The following PCTP variants were observed in gnomAD, a reference collection of about 807,000 sequenced individuals.
PCTP encodes the protein START domain-containing protein 2.
In PCTP, 27 loss-of-function variants were observed where a neutral mutation model predicts 31.0. That is an observed-to-expected ratio of 0.87 (90% CI 0.64 to 1.20). PCTP has a LOEUF of 1.20. Ranked by LOEUF, PCTP falls within the 50% of genes most tolerant of loss-of-function variation. The pLI, the probability that PCTP is intolerant of heterozygous loss-of-function variation, is 0.00. For synonymous variants in PCTP, 108 were observed against 101.2 expected (o/e 1.07, Z -0.40); for missense variants, 287 against 268.2 (o/e 1.07, Z -0.49).
Position 55,829,212 on chromosome 17 carries a change from G to GAAA in PCTP, n.505+6297_505+6299dup, listed in dbSNP as rs72543089. ...AAAGGAGCTTCAAAGGCCAATATGT[G>GAAA]AAAAAAAAAAAAAATAAAGACATAC... is the stretch of plus-strand genomic sequence containing the variant. On this transcript the variant is annotated intron_variant and non_coding_transcript_variant, in intron 5 of 5. Coordinates refer to the PCTP transcript ENST00000576221. 6.0e-3 allele frequency among the ~76,000 whole-genome samples: 836 copies of GAAA among 139,374 alleles called. 8 individuals carry two copies. Among genetic ancestry groups the GAAA allele is most frequent in the African/African-American group, 0.021 (782 of 37,964 alleles). 91.4% of individuals were successfully genotyped at this position (139,374 alleles called of 152,430 possible).
intron 5 of PCTP, among the ~76,000 whole-genome samples, chr17:55,833,158 T>C (rs1013218771): frequency 1.3e-5 from 2 of 152,158 alleles, no homozygotes; most frequent in African/African-American, 2.4e-5. Flanking sequence ...ACATCATAGA[T>C]GTGAGGATAT....
chr17:55,846,657 G>T (rs1380268714), downstream of PCTP, among the ~76,000 whole-genome samples: 1 of 152,084 alleles, frequency 6.6e-6, no homozygotes, highest in Non-Finnish European at 1.5e-5. Flanking sequence ...CCCTCTTTTG[G>T]CATCCAAGGA....
At chr17:55,826,106 C>G (rs1905386847), downstream of PCTP, among the ~76,000 whole-genome samples, 1 of 152,138 alleles carries the variant, frequency 6.6e-6, no homozygotes, top group Admixed American at 6.5e-5. Flanking sequence ...GAATTTGAAC[C>G]CAGTGTACCT....
intron 5 of PCTP, among the ~76,000 whole-genome samples, chr17:55,833,803 C>G (rs1284576534): frequency 3.3e-5 from 5 of 152,194 alleles, no homozygotes; most frequent in Non-Finnish European, 7.4e-5. Flanking sequence ...GACCTTGCCT[C>G]CTGCCTTTTT....
chr17:55,835,799 G>A (rs1905758528), intron 5 of PCTP, among the ~76,000 whole-genome samples: 2 of 152,292 alleles, frequency 1.3e-5, no homozygotes, highest in South Asian at 2.1e-4. Flanking sequence ...CTAGTAGGAC[G>A]TCTTTCTCTT....
intron 3 of PCTP, among the ~76,000 whole-genome samples, chr17:55,791,363 C>T (rs1197306313): frequency 6.8e-6 from 1 of 147,902 alleles, no homozygotes; most frequent in Non-Finnish European, 1.5e-5. Flanking sequence ...TCAGAGTGAA[C>T]AGGCAACCTA....
rs1438545667 is a variant in PCTP, at chr17:55,751,068, C to G, written c.-36C>G. On this transcript the variant is annotated 5_prime_UTR_variant, in exon 1 of 6. Transcript: ENST00000268896. ...GGCCCACACTAAGGGTGTCCGCGGC[C>G]TGCCCTCCAGGCGGAGGAGCCCGGA... is the stretch of plus-strand genomic sequence containing the variant. 6.7e-7 allele frequency: 1 copy of G among 1,493,374 alleles called. No individual in the cohort carries two copies. Among genetic ancestry groups the G allele is most frequent in the East Asian group, 2.5e-5 (1 of 39,980 alleles). The allele number at this position is 1,493,374 out of a possible 1,614,324, so 92.5% of individuals were successfully genotyped here. A position where few individuals can be genotyped will look rare whatever the true frequency, so the allele number is the denominator to read the frequency against.
At chr17:55,845,569 T>G (rs1567737930), downstream of PCTP, among the ~76,000 whole-genome samples, 1 of 152,216 alleles carries the variant, frequency 6.6e-6, no homozygotes, top group Non-Finnish European at 1.5e-5. Flanking sequence ...ATGTTTACCC[T>G]GGAAATTAAA....
At position 55,776,063 on chromosome 17, in the gene PCTP, T is replaced by C. The variant is rs1911312600; in HGVS notation, c.608T>C (p.Met203Thr). 6.2e-7 allele frequency: 1 copy of C among 1,613,990 alleles called. No homozygotes were observed. The highest frequency in any genetic ancestry group is 8.5e-7 in the Non-Finnish European group (1 of 1,179,934). Residue 203 changes from methionine (M) to threonine (T), a missense_variant, in exon 6 of 6, where the codon ATG (methionine) becomes ACG (threonine). Transcript: ENST00000268896. ...KNGVPNFLKD[M>T]ARACQNYLKK... ...GGAGTTCCTAACTTCTTGAAAGACA[T>C]GGCAAGAGCCTGTCAGAACTACCTC...
chr17:55,772,572 C>G (rs35143073), intron 3 of PCTP, among the ~76,000 whole-genome samples: 16,259 of 140,022 alleles, frequency 0.12, 1,033 homozygotes, highest in African/African-American at 0.17. Flanking sequence ...GGGTGAGACT[C>G]TGTCTCAAAA....
chr17:55,760,380 A>C (rs1910272398), intron 1 of PCTP, among the ~76,000 whole-genome samples: 1 of 152,228 alleles, frequency 6.6e-6, no homozygotes, highest in South Asian at 2.1e-4. Context: ...AATATTTACT[A>C]AGTACTTATT....
chr17:55,831,206 C>G (rs1485892833), intron 5 of PCTP, among the ~76,000 whole-genome samples: 3 of 152,186 alleles, frequency 2.0e-5, no homozygotes, highest in African/African-American at 7.2e-5. Flanking sequence ...GCTGACAGTT[C>G]TTGTAATACT....
At chr17:55,794,370 G>A (rs932809638) in intron 3 of PCTP, among the ~76,000 whole-genome samples, 1 of 151,598 alleles carries the variant, frequency 6.6e-6, no homozygotes, top group Non-Finnish European at 1.5e-5. Context: ...TTTACCTCCT[G>A]ATTTTTAGCT....
intron 5 of PCTP, 74 bp from the exon 6 acceptor site, chr17:55,775,961 C>G: frequency 1.3e-6 from 2 of 1,582,314 alleles, no homozygotes; most frequent in Middle Eastern, 1.7e-4. Context: ...CATTGTTTAC[C>G]TTCTGCCACA....
intron 3 of PCTP, among the ~76,000 whole-genome samples, chr17:55,818,181 T>C (rs1430225505): frequency 2.6e-5 from 4 of 152,120 alleles, no homozygotes; most frequent in East Asian, 1.9e-4. Flanking sequence ...TTGGCTGAGA[T>C]AGAGGGAAAA....
At chr17:55,828,761 G>T (rs1775957824) in intron 5 of PCTP, among the ~76,000 whole-genome samples, 1 of 152,214 alleles carries the variant, frequency 6.6e-6, no homozygotes, top group African/African-American at 2.4e-5. Flanking sequence ...CAGAAGATGG[G>T]GGAGGGGGCA....
At chr17:55,845,700 G>A (rs1013726086), downstream of PCTP, among the ~76,000 whole-genome samples, 4 of 152,242 alleles carry the variant, frequency 2.6e-5, no homozygotes, top group African/African-American at 9.6e-5. Context: ...GGCGGGCCCT[G>A]CGGCCTCCTT....
At chr17:55,780,818 G>A (rs978021308), downstream of PCTP, among the ~76,000 whole-genome samples, 1 of 152,084 alleles carries the variant, frequency 6.6e-6, no homozygotes, top group Non-Finnish European at 1.5e-5. Flanking sequence ...TCCAGCTCAG[G>A]ATCTTAAAAG....
chr17:55,839,536 A>G (rs568572610), intron 5 of PCTP, among the ~76,000 whole-genome samples: 1 of 152,292 alleles, frequency 6.6e-6, no homozygotes, highest in East Asian at 1.9e-4. Flanking sequence ...AAGTTTCTCC[A>G]GGGGATTCTA....
Sources: gnomAD v4.1 joint callset for allele counts (sites outside exome capture counted in the v4.1 genomes callset) on GRCh38, gnomAD v4.1.1 for gene constraint, MANE v1.5 for transcripts, NCBI Gene and HGNC (gene_info 2026-07-23, HGNC 2026-07-21) for gene names.